FBXL7: variants seen among roughly 807,000 people sequenced by gnomAD.
FBXL7 encodes the protein F-box/LRR-repeat protein 7.
FBXL7 carries 12 observed loss-of-function variants against 38.3 expected under a neutral mutation model. The ratio of observed to expected loss-of-function variants is 0.31; its 90% confidence interval spans 0.20 to 0.51. The LOEUF is 0.51. Among genes scored for constraint, FBXL7 ranks in the 20% least tolerant of loss-of-function variants. The probability of loss-of-function intolerance (pLI) is 0.98; values close to 1 mark genes in which losing one functional copy is unlikely to be tolerated. For synonymous variants in FBXL7, 297 were observed against 300.9 expected (o/e 0.99, Z 0.13); for missense variants, 567 against 676.4 (o/e 0.84, Z 1.79).
chr5:15,781,825 T>G (rs939220915), intron 2 of FBXL7, among the ~76,000 whole-genome samples: 5 of 152,066 alleles, frequency 3.3e-5, no homozygotes, highest in Non-Finnish European at 2.9e-5. Flanking sequence ...GAGAAGACCT[T>G]TTCAACTTTT....
intron 1 of FBXL7, among the ~76,000 whole-genome samples, chr5:15,543,338 C>T (rs546655815): frequency 6.6e-6 from 1 of 152,252 alleles, no homozygotes; most frequent in South Asian, 2.1e-4. Flanking sequence ...GACTTACTCA[C>T]TACTACCAGA....
chr5:15,730,582 A>C (rs1379557701), intron 2 of FBXL7, among the ~76,000 whole-genome samples: 1 of 152,202 alleles, frequency 6.6e-6, no homozygotes, highest in African/African-American at 2.4e-5. Context: ...AATGTGGACT[A>C]CTGACATTTT....
intron 1 of FBXL7, among the ~76,000 whole-genome samples, chr5:15,568,438 GT>G (rs1169278580): frequency 2.7e-5 from 4 of 150,896 alleles, no homozygotes; most frequent in East Asian, 1.9e-4. Context: ...TTTTGATGGG[GT>G]TTTTTTTTCT....
At chr5:15,854,422 A>G (rs1046920112) in intron 2 of FBXL7, among the ~76,000 whole-genome samples, 1 of 152,200 alleles carries the variant, frequency 6.6e-6, no homozygotes, top group African/African-American at 2.4e-5. Flanking sequence ...CTGTCTGGGT[A>G]ATCTTCAGCC....
chr5:15,840,320 A>G (rs981201351), intron 2 of FBXL7, among the ~76,000 whole-genome samples: 7 of 152,138 alleles, frequency 4.6e-5, no homozygotes, highest in Non-Finnish European at 1.0e-4. Context: ...ACTCAAACTC[A>G]GTAGTAAGTT....
At chr5:15,924,846 C>CA (rs1352626390) in intron 2 of FBXL7, among the ~76,000 whole-genome samples, 1 of 152,104 alleles carries the variant, frequency 6.6e-6, no homozygotes, top group African/African-American at 2.4e-5. Flanking sequence ...AGGCTGGTCT[C>CA]AAACTCTTGG....
chr5:15,790,160 A>AAATTTTAT (rs1561127488), intron 2 of FBXL7, among the ~76,000 whole-genome samples: 3 of 152,228 alleles, frequency 2.0e-5, no homozygotes, highest in Non-Finnish European at 4.4e-5. Flanking sequence ...ATGTTGTTAC[A>AAATTTTAT]GTCAATCTAT....
chr5:15,792,111 A>G (rs1737292707), intron 2 of FBXL7, among the ~76,000 whole-genome samples: 2 of 152,344 alleles, frequency 1.3e-5, no homozygotes. Context: ...AGCCCACTCA[A>G]TTTTATATAT....
chr5:15,875,715 C>T (rs761992886), intron 2 of FBXL7, among the ~76,000 whole-genome samples: 4 of 152,126 alleles, frequency 2.6e-5, no homozygotes, highest in Admixed American at 6.5e-5. Flanking sequence ...CCATCTCACA[C>T]CAGTTAAAAT....
At chr5:15,891,454 A>G (rs1224309170) in intron 2 of FBXL7, among the ~76,000 whole-genome samples, 1 of 152,212 alleles carries the variant, frequency 6.6e-6, no homozygotes, top group African/African-American at 2.4e-5. Flanking sequence ...CACTCAACAA[A>G]CATTTATTAA....
At chr5:15,507,559 CT>C (rs1736680339) in intron 1 of FBXL7, among the ~76,000 whole-genome samples, 2 of 152,238 alleles carry the variant, frequency 1.3e-5, no homozygotes, top group South Asian at 2.1e-4. Flanking sequence ...CTTTGCCTGG[CT>C]TTTTGGTAGA....
intron 1 of FBXL7, among the ~76,000 whole-genome samples, chr5:15,515,541 A>G (rs2126363769): frequency 6.6e-6 from 1 of 152,240 alleles, no homozygotes; most frequent in East Asian, 1.9e-4. Flanking sequence ...TGTTTTACTG[A>G]TTGTCTGCTG....
chr5:15,702,929 G>C (rs1282417877), intron 2 of FBXL7, among the ~76,000 whole-genome samples: 1 of 152,158 alleles, frequency 6.6e-6, no homozygotes, highest in Non-Finnish European at 1.5e-5. Flanking sequence ...TCTCTGGCGG[G>C]CAGGAGTGGG....
At chr5:15,780,570 T>G (rs1221296405) in intron 2 of FBXL7, among the ~76,000 whole-genome samples, 1 of 152,146 alleles carries the variant, frequency 6.6e-6, no homozygotes, top group Non-Finnish European at 1.5e-5. Context: ...CCATATTGTT[T>G]AGTCAACAGG....
intron 2 of FBXL7, among the ~76,000 whole-genome samples, chr5:15,857,945 G>A (rs373098566): frequency 2.6e-5 from 4 of 152,086 alleles, no homozygotes; most frequent in South Asian, 2.1e-4. Flanking sequence ...TTTGAGGACC[G>A]ATAGATATAA....
chr5:15,859,792 T>C (rs572643711), intron 2 of FBXL7, among the ~76,000 whole-genome samples: 2 of 152,204 alleles, frequency 1.3e-5, no homozygotes, highest in Non-Finnish European at 2.9e-5. Context: ...AGACAAACCA[T>C]GTCACCACTC....
rs893755174 is a variant in FBXL7, at chr5:15,721,568, G to A, written c.127+105496G>A. ...TTTCTCCTCTCTCTGCATCATCCTCGAGTCTCTATTAGTTTATCCCCAAGA... is the reference window on the plus strand; with the variant it reads ...TTTCTCCTCTCTCTGCATCATCCTCAAGTCTCTATTAGTTTATCCCCAAGA... On this transcript the variant is annotated intron_variant, in intron 2 of 3. Transcript: ENST00000504595. Among the ~76,000 whole-genome samples, 6 of 151,396 alleles carry A rather than the reference G, an allele frequency of 4.0e-5. No homozygotes were observed. The East Asian group carries it at 7.8e-4, about 20-fold the overall frequency.
intron 2 of FBXL7, among the ~76,000 whole-genome samples, chr5:15,620,973 A>G (rs1002159079): frequency 9.9e-5 from 15 of 152,196 alleles, no homozygotes; most frequent in Non-Finnish European, 1.6e-4. Context: ...TTTCTTTGCT[A>G]ATGACTTTAT....
intron 2 of FBXL7, among the ~76,000 whole-genome samples, chr5:15,801,514 G>A (rs541878964): frequency 1.3e-5 from 2 of 152,132 alleles, no homozygotes; most frequent in Non-Finnish European, 2.9e-5. Flanking sequence ...AAATTTTTCT[G>A]CAGTATAGGC....
Sources: allele counts gnomAD v4.1 joint callset (sites outside exome capture counted in the v4.1 genomes callset), GRCh38; gene constraint gnomAD v4.1.1; transcripts MANE v1.5; gene names NCBI Gene and HGNC (gene_info 2026-07-23, HGNC 2026-07-21).